Variants in CFAP92 observed in about 807,000 individuals in gnomAD.
CFAP92 encodes uncharacterized protein CFAP92.
In CFAP92, 86 loss-of-function variants were observed where a neutral mutation model predicts 106.3. That is an observed-to-expected ratio of 0.81 (90% confidence interval 0.68 to 0.97). The LOEUF (loss-of-function observed/expected upper bound fraction) is 0.97, where lower values mean the gene tolerates loss of function less well. Ranked by LOEUF, CFAP92 falls within the 50% of genes least tolerant of loss-of-function variation. The pLI, the probability that CFAP92 is intolerant of heterozygous loss-of-function variation, is 0.00. For synonymous variants in CFAP92, 477 were observed against 506.4 expected, an observed-to-expected ratio of 0.94 and a Z score of 0.78; for missense variants, 1,204 against 1,283.8, an observed-to-expected ratio of 0.94 and a Z score of 0.95.
rs571892004 is a variant in CFAP92, at chr3:128,965,551, G to A, written c.1313C>T (p.Ser438Phe). Residue 438 changes from serine (S) to phenylalanine (F), a missense_variant, in exon 9 of 16, where the codon TCC becomes TTC. Ser to Phe is a radical substitution (Grantham distance 155, BLOSUM62 -2). Coordinates refer to ENST00000645291, the MANE Select transcript of CFAP92 (RefSeq NM_001394090.1). Reference sequence around the variant, plus strand: ...GGGTACAGGCTGTGATGGAAGGCAGGAAGCACACTTGATCTTTATGGTCAG... The same window carrying A: ...GGGTACAGGCTGTGATGGAAGGCAGAAAGCACACTTGATCTTTATGGTCAG... ...NPLTIKIKCA[S>F]CLPSQPVPIQ... 2.0e-5 allele frequency: 8 copies of A among 399,014 alleles called. No individual in the cohort carries two copies. The highest frequency in any genetic ancestry group is 1.2e-4 in the African/African-American group (6 of 48,734). 24.7% of individuals were successfully genotyped at this position (399,014 alleles called of 1,614,324 possible).
intron 15 of CFAP92, chr3:128,912,791 GCTCT>G (rs780260013): frequency 8.1e-6 from 6 of 737,714 alleles, no homozygotes; most frequent in Admixed American, 1.7e-5. Flanking sequence ...TGCAGGCAGT[GCTCT>G]CTAACAGGAC....
At chr3:128,919,288 C>G (rs1937075378) in intron 12 of CFAP92, among the ~76,000 whole-genome samples, 1 of 151,582 alleles carries the variant, frequency 6.6e-6, no homozygotes. Flanking sequence ...ACAAAACTTT[C>G]AACACAAAGA....
intron 9 of CFAP92, among the ~76,000 whole-genome samples, chr3:128,952,298 T>TAA (rs71666021): frequency 3.2e-4 from 48 of 150,438 alleles, no homozygotes; most frequent in African/African-American, 1.1e-3. Flanking sequence ...TCTAGCTAAT[T>TAA]AAAATAAAAA....
chr3:129,016,619 C>T, the CFAP92 span, among the ~76,000 whole-genome samples: 1 of 152,036 alleles, frequency 6.6e-6, no homozygotes, highest in African/African-American at 2.4e-5. Flanking sequence ...CACAGGCCAC[C>T]TGCTTGTCAT....
chr3:129,026,361 A>G, the CFAP92 span, among the ~76,000 whole-genome samples: 1 of 151,978 alleles, frequency 6.6e-6, no homozygotes, highest in Non-Finnish European at 1.5e-5. Context: ...TTTAGGGAAT[A>G]GAAGAAGCAG....
intron 11 of CFAP92, among the ~76,000 whole-genome samples, chr3:128,934,287 T>C (rs1042889538): frequency 6.6e-6 from 1 of 152,164 alleles, no homozygotes; most frequent in Non-Finnish European, 1.5e-5. Flanking sequence ...TGACGCAATC[T>C]CGGCTCACTG....
chr3:128,915,195 G>T lies in CFAP92; in HGVS notation c.3204C>A (p.His1068Gln). ...GTTTCTTGTACAGATCAAAGTCCAC[G>T]TGGTGCCTGTCCCAGCTCCACCTGT... is the stretch of plus-strand genomic sequence containing the variant. ...DRDRWSWDRH[H>Q]VDFDLYKKPP... is the part of the protein sequence containing the mutation. The change falls in exon 15 of 16, where the codon CAC becomes CAA. Residue 1068 changes from histidine to glutamine, a missense_variant. Physicochemically the swap from His to Gln is conservative, Grantham distance 24. Transcript: ENST00000645291. 3.3e-6 allele frequency: 5 copies of T among 1,536,120 alleles called. No homozygotes were observed. Among genetic ancestry groups the T allele is most frequent in the Non-Finnish European group, 4.4e-6 (5 of 1,146,908 alleles).
At chr3:128,991,900 C>T in intron 2 of CFAP92, 1 of 985,958 alleles carries the variant, frequency 1.0e-6, no homozygotes, top group Non-Finnish European at 1.2e-6. Flanking sequence ...CTACTTGTCT[C>T]CTCCCCTCAT....
At chr3:128,992,356 G>A (rs1174418368) in intron 2 of CFAP92, among the ~76,000 whole-genome samples, 1 of 152,096 alleles carries the variant, frequency 6.6e-6, no homozygotes, top group African/African-American at 2.4e-5. Flanking sequence ...GAGGTCAGGG[G>A]TTCGAGACCA....
intron 2 of CFAP92, among the ~76,000 whole-genome samples, chr3:128,990,726 T>C (rs544138678): frequency 1.8e-4 from 28 of 151,828 alleles, no homozygotes; most frequent in Non-Finnish European, 3.1e-4. Flanking sequence ...TGAAACCCCA[T>C]CTCTACTAAA....
chr3:129,010,598 T>A, the CFAP92 span, among the ~76,000 whole-genome samples: 1 of 152,020 alleles, frequency 6.6e-6, no homozygotes, highest in African/African-American at 2.4e-5. This position sits in a 1 kb window ranked among gnomAD's most constrained non-coding sequence, Gnocchi z 4.3. Flanking sequence ...GGCTACCTCC[T>A]TTCTTCTGCC....
At chr3:128,989,916 G>C (rs1944108026) in intron 2 of CFAP92, among the ~76,000 whole-genome samples, 1 of 152,184 alleles carries the variant, frequency 6.6e-6, no homozygotes, top group Non-Finnish European at 1.5e-5. Context: ...ATTTTCTGTA[G>C]ACAGAAAGGC....
At chr3:128,981,506 T>C (rs1042101096) in intron 4 of CFAP92, among the ~76,000 whole-genome samples, 3 of 152,010 alleles carry the variant, frequency 2.0e-5, no homozygotes, top group African/African-American at 7.3e-5. Flanking sequence ...ATTTTTTGTA[T>C]TTTTAGTGGA....
At chr3:129,000,889 C>A (rs923617121) in intron 1 of CFAP92, among the ~76,000 whole-genome samples, 1 of 152,212 alleles carries the variant, frequency 6.6e-6, no homozygotes, top group Non-Finnish European at 1.5e-5. Context: ...TTCTCACCAG[C>A]GGGGTGCCCC....
At chr3:128,929,684 T>C (rs936988451) in intron 12 of CFAP92, among the ~76,000 whole-genome samples, 1 of 152,204 alleles carries the variant, frequency 6.6e-6, no homozygotes, top group Non-Finnish European at 1.5e-5. Flanking sequence ...TTTACATAAT[T>C]ATATGGTTCC....
chr3:128,997,194 C>T (rs962695155), upstream of CFAP92, among the ~76,000 whole-genome samples: 1 of 152,200 alleles, frequency 6.6e-6, no homozygotes, highest in Non-Finnish European at 1.5e-5. Context: ...GGTTCCCAAG[C>T]TCCCACAGGC....
intron 11 of CFAP92, among the ~76,000 whole-genome samples, chr3:128,934,281 G>A (rs1169405707): frequency 3.3e-5 from 5 of 151,884 alleles, no homozygotes; most frequent in African/African-American, 1.2e-4. Context: ...GTGCAATGAC[G>A]CAATCTCGGC....
At chr3:128,911,584 C>T (rs1050749860) in intron 15 of CFAP92, among the ~76,000 whole-genome samples, 19 of 152,186 alleles carry the variant, frequency 1.2e-4, no homozygotes, top group African/African-American at 4.6e-4. Flanking sequence ...ATTATAGGCA[C>T]GCACCACCAT....
intron 9 of CFAP92, among the ~76,000 whole-genome samples, chr3:128,953,532 G>A (rs1185935719): frequency 6.7e-6 from 1 of 149,582 alleles, no homozygotes; most frequent in Non-Finnish European, 1.5e-5. Context: ...TAAAAAGAAA[G>A]AGGGATAATC....
Sources: gnomAD v4.1 joint callset for allele counts (sites outside exome capture counted in the v4.1 genomes callset) on GRCh38, gnomAD v4.1.1 for gene constraint, Gnocchi (gnomAD v3.1) non-coding constraint, MANE v1.5 for transcripts, NCBI Gene and HGNC (gene_info 2026-07-23, HGNC 2026-07-21) for gene names.